NSD1: variants seen among roughly 807,000 people sequenced by gnomAD.
NSD1 encodes the protein histone-lysine N-methyltransferase, H3 lysine-36 specific.
NSD1 carries 26 observed loss-of-function variants against 242.7 expected under a neutral mutation model. The observed-to-expected ratio is 0.11, with a 90% confidence interval of 0.08 to 0.15. The LOEUF (loss-of-function observed/expected upper bound fraction) is 0.15. Among genes scored for constraint, NSD1 ranks in the 10% least tolerant of loss-of-function variants. The pLI, the probability that NSD1 is intolerant of heterozygous loss-of-function variation, is 1.00. For synonymous variants in NSD1, 1,106 were observed against 1,178.1 expected, an observed-to-expected ratio of 0.94 and a Z score of 1.25; for missense variants, 2,495 against 3,272.8, an observed-to-expected ratio of 0.76 and a Z score of 5.80.
chr5:177,159,978 C>T (rs1186405667), intron 2 of NSD1, among the ~76,000 whole-genome samples: 1 of 152,104 alleles, frequency 6.6e-6, no homozygotes, highest in Non-Finnish European at 1.5e-5. Flanking sequence ...CAACCTCTGC[C>T]TCCCTGGCTC....
chr5:177,242,104 G>A (rs1765919576), intron 8 of NSD1, among the ~76,000 whole-genome samples: 1 of 151,914 alleles, frequency 6.6e-6, no homozygotes, highest in African/African-American at 2.4e-5. Context: ...TGTGTGTGCT[G>A]TTAATTTTTA....
At chr5:177,261,329 C>T (rs1218309749) in intron 14 of NSD1, among the ~76,000 whole-genome samples, 1 of 150,610 alleles carries the variant, frequency 6.6e-6, no homozygotes, top group Non-Finnish European at 1.5e-5. Flanking sequence ...GATCTACTCT[C>T]CTCAGCTTCC....
intron 2 of NSD1, among the ~76,000 whole-genome samples, chr5:177,149,243 A>C (rs974676020): frequency 1.3e-5 from 2 of 149,346 alleles, no homozygotes; most frequent in African/African-American, 4.9e-5. Context: ...TTTGAGACGG[A>C]ATGTTGCTCT....
chr5:177,220,633 G>A (rs573477334), intron 5 of NSD1, among the ~76,000 whole-genome samples: 7 of 130,904 alleles, frequency 5.3e-5, no homozygotes, highest in Admixed American at 1.8e-4. Flanking sequence ...GCAGTGGCAT[G>A]ATCTTAGCTC....
At chr5:177,138,599 A>G (rs1756546834) in intron 2 of NSD1, among the ~76,000 whole-genome samples, 1 of 151,546 alleles carries the variant, frequency 6.6e-6, no homozygotes, top group African/African-American at 2.4e-5. Context: ...TTGTGATTGA[A>G]ATCTATTGCC....
intron 2 of NSD1, among the ~76,000 whole-genome samples, chr5:177,137,901 T>C (rs1756471893): frequency 6.6e-6 from 1 of 151,866 alleles, no homozygotes; most frequent in Non-Finnish European, 1.5e-5. Context: ...CTGGCCAACA[T>C]GGTGAAACTC....
chr5:177,202,648 G>A (rs1021484498), intron 3 of NSD1, among the ~76,000 whole-genome samples: 4 of 151,992 alleles, frequency 2.6e-5, no homozygotes, highest in African/African-American at 4.8e-5. Context: ...CAAAGTATTG[G>A]GATTACAGGT....
chr5:177,224,126 A>G (rs1463618854), intron 5 of NSD1, among the ~76,000 whole-genome samples: 1 of 152,194 alleles, frequency 6.6e-6, no homozygotes. Context: ...ACCCTTTTTC[A>G]AGATCATTTT....
intron 2 of NSD1, among the ~76,000 whole-genome samples, chr5:177,183,065 C>T (rs756781792): frequency 1.3e-5 from 2 of 152,114 alleles, no homozygotes; most frequent in Non-Finnish European, 2.9e-5. Flanking sequence ...GTGTGAACCC[C>T]CACAACCAGC....
chr5:177,280,158 T>C (rs1027402952), intron 17 of NSD1, among the ~76,000 whole-genome samples: 1 of 149,636 alleles, frequency 6.7e-6, no homozygotes, highest in Non-Finnish European at 1.5e-5. Context: ...TTTGTATTTT[T>C]AGTAGAGACG....
chr5:177,266,681 A>T (rs1757504329), intron 14 of NSD1: 1 of 317,160 alleles, frequency 3.2e-6, no homozygotes, highest in South Asian at 1.1e-4. Flanking sequence ...AGTGAGAACA[A>T]GATTAACTCG....
rs992096542 is a variant in NSD1, at chr5:177,284,025, A to G, written c.6151+97A>G. The G allele has an allele frequency of 1.1e-5, 15 of 1,392,898 alleles. No homozygotes were observed. In the African/African-American group the frequency reaches 1.1e-4, roughly 11 times the overall value. 86.3% of individuals were successfully genotyped at this position (1,392,898 alleles called of 1,614,324 possible). A position where few individuals can be genotyped will look rare whatever the true frequency, so the allele number is the denominator to read the frequency against. ...TCAGATTATAATTTTAAACATTTCTATATGTACCGTTCTCTGGAATTAAGT... is the reference window on the plus strand; with the variant it reads ...TCAGATTATAATTTTAAACATTTCTGTATGTACCGTTCTCTGGAATTAAGT... On this transcript the variant is annotated intron_variant, in intron 20 of 22. Coordinates refer to ENST00000439151, the MANE Select transcript of NSD1 (RefSeq NM_022455.5).
rs776883958 is a variant in NSD1, at chr5:177,135,260, G to C, written c.157G>C (p.Val53Leu). The change falls in exon 2 of 23, where the codon GTC (valine) becomes CTC (leucine). Residue 53 changes from valine to leucine, a missense_variant. Val to Leu is a conservative substitution (Grantham distance 32). Coordinates refer to ENST00000439151, the MANE Select transcript of NSD1 (RefSeq NM_022455.5). ...LNGCTMQLSTVSGTSQNAYGQ... is the reference protein window; with the variant it reads ...LNGCTMQLSTLSGTSQNAYGQ... ...TGGGTGTACTATGCAGTTATCGACT[G>C]TCAGTGGAACATCCCAAAATGCTTA... 1 of 1,613,674 alleles carries C rather than the reference G, an allele frequency of 6.2e-7. No individual in the cohort carries two copies. The highest frequency in any genetic ancestry group is 8.5e-7 in the Non-Finnish European group (1 of 1,179,710).
intron 17 of NSD1, among the ~76,000 whole-genome samples, chr5:177,277,654 A>G (rs1388588579): frequency 6.6e-6 from 1 of 152,148 alleles, no homozygotes; most frequent in Non-Finnish European, 1.5e-5. Context: ...AACAATGATT[A>G]AAACATATAT....
In NSD1 at chr5:177,297,418, A is replaced by G. The variant is rs1760321104; in HGVS notation, c.*1959A>G. On this transcript the variant is annotated 3_prime_UTR_variant, in exon 23 of 23. Transcript: ENST00000439151. ...CACCGAGAACATTAAAGTTCATTAT[A>G]TTAAGTATTTATCATGTGTGAGAAT... 1 of 230,000 alleles carries G rather than the reference A, an allele frequency of 4.3e-6. No homozygotes were observed. The highest frequency in any genetic ancestry group is 2.2e-5 in the African/African-American group (1 of 45,270). 14.2% of individuals were successfully genotyped at this position (230,000 alleles called of 1,614,324 possible).
chr5:177,177,893 A>G (rs1379047402), intron 2 of NSD1, among the ~76,000 whole-genome samples: 2 of 151,986 alleles, frequency 1.3e-5, no homozygotes, highest in African/African-American at 4.8e-5. Context: ...AAATTGCATT[A>G]AATTATTATT....
chr5:177,148,488 G>A (rs1031097978), intron 2 of NSD1, among the ~76,000 whole-genome samples: 9 of 152,106 alleles, frequency 5.9e-5, no homozygotes, highest in African/African-American at 1.4e-4. Context: ...GCAGTGGCGC[G>A]ATCCTGGCTC....
intron 5 of NSD1, among the ~76,000 whole-genome samples, chr5:177,223,062 G>T (rs1764360368): frequency 6.6e-6 from 1 of 151,100 alleles, no homozygotes; most frequent in African/African-American, 2.4e-5. Context: ...TTGTTGAAAA[G>T]AATATTCTTT....
At chr5:177,281,324 T>C (rs1758857189) in intron 18 of NSD1, among the ~76,000 whole-genome samples, 2 of 127,954 alleles carry the variant, frequency 1.6e-5, no homozygotes, top group Admixed American at 1.8e-4. Flanking sequence ...ATAAATAATA[T>C]TGTATAGTCT....
Sources: allele counts gnomAD v4.1 joint callset (sites outside exome capture counted in the v4.1 genomes callset), GRCh38; gene constraint gnomAD v4.1.1; transcripts MANE v1.5; gene names NCBI Gene and HGNC (gene_info 2026-07-23, HGNC 2026-07-21).